The following CLEC5A variants were observed in gnomAD, a reference collection of about 807,000 sequenced individuals.
CLEC5A encodes C-type lectin domain containing 5A, also known as C-type lectin domain family 5 member A.
In CLEC5A, 15 loss-of-function variants were observed where a neutral mutation model predicts 24.4. The observed-to-expected ratio is 0.62, with a 90% CI of 0.41 to 0.95. The LOEUF (loss-of-function observed/expected upper bound fraction) is 0.95, where lower values mean the gene tolerates loss of function less well. Among genes scored for constraint, CLEC5A ranks in the 40% least tolerant of loss-of-function variants. CLEC5A has a pLI of 0.00. For synonymous variants in CLEC5A, 71 were observed against 72.6 expected (o/e 0.98, Z 0.11); for missense variants, 211 against 224.0 (o/e 0.94, Z 0.37).
chr7:141,933,417 G>C (rs1802521346), intron 5 of CLEC5A, among the ~76,000 whole-genome samples: 1 of 151,734 alleles, frequency 6.6e-6, no homozygotes, highest in African/African-American at 2.4e-5. Context: ...TAGTGCAGAG[G>C]TGGCAGGGAG....
In CLEC5A at chr7:141,946,390, C is replaced by T. The variant is rs1475074974; in HGVS notation, c.-20-78G>A. The T allele has an allele frequency of 7.6e-6, 10 of 1,310,386 alleles. No individual in the cohort carries two copies. In the African/African-American group the frequency reaches 1.2e-4, roughly 15 times the overall value. 81.2% of individuals were successfully genotyped at this position (1,310,386 alleles called of 1,614,324 possible). On this transcript the variant is annotated intron_variant, in intron 1 of 6. Coordinates refer to ENST00000546910, the MANE Select transcript of CLEC5A (RefSeq NM_013252.3). ...CACTAGGACATATCCCAGCCTCTCG[C>T]TCAGAGTACCCAAAGCAAGGCAGGC...
At chr7:141,942,634 A>G (rs1422299329) in intron 4 of CLEC5A, among the ~76,000 whole-genome samples, 3 of 152,156 alleles carry the variant, frequency 2.0e-5, no homozygotes, top group Non-Finnish European at 4.4e-5. Context: ...CAAAGTGAAG[A>G]GACAATCCAC....
chr7:141,942,606 A>C (rs1554441734), intron 4 of CLEC5A, among the ~76,000 whole-genome samples: 1 of 152,162 alleles, frequency 6.6e-6, no homozygotes, highest in African/African-American at 2.4e-5. Context: ...GCTTCTGCCC[A>C]GCAAAGGAAA....
chr7:141,941,806 TAA>T (rs1802802538), intron 4 of CLEC5A, among the ~76,000 whole-genome samples: 1 of 151,976 alleles, frequency 6.6e-6, no homozygotes, highest in Admixed American at 6.6e-5. Context: ...GAAAAGAAAT[TAA>T]GAGACTAATC....
intron 4 of CLEC5A, among the ~76,000 whole-genome samples, chr7:141,941,637 T>G (rs1802799302): frequency 6.6e-6 from 1 of 152,094 alleles, no homozygotes; most frequent in African/African-American, 2.4e-5. Flanking sequence ...TGAAGTCAAT[T>G]TATCCTTGTT....
intron 5 of CLEC5A, among the ~76,000 whole-genome samples, chr7:141,934,978 C>A (rs903327085): frequency 6.6e-6 from 1 of 152,104 alleles, no homozygotes; most frequent in African/African-American, 2.4e-5. Flanking sequence ...TCTTTTCATT[C>A]CCCTGTCTTG....
intron 5 of CLEC5A, among the ~76,000 whole-genome samples, chr7:141,933,937 C>G (rs2128960712): frequency 6.6e-6 from 1 of 152,228 alleles, no homozygotes; most frequent in Non-Finnish European, 1.5e-5. Context: ...GCAGCTGAGA[C>G]AGACAGACAG....
rs782357595 is a variant in CLEC5A at position 141,935,973 on chromosome 7, A to G, written c.209-23T>C. ...AGACTGAAGAGGTCCAAGAAAGGAGAGTACGAGTTTACTGGTTTGGGTTAT... is the reference window on the plus strand; with the variant it reads ...AGACTGAAGAGGTCCAAGAAAGGAGGGTACGAGTTTACTGGTTTGGGTTAT... On this transcript the variant is annotated intron_variant, in intron 4 of 6. Coordinates refer to ENST00000546910, the MANE Select transcript of CLEC5A (RefSeq NM_013252.3). 4.4e-6 allele frequency: 7 copies of G among 1,606,890 alleles called. No homozygotes were observed. In the Admixed American group the frequency reaches 6.7e-5, roughly 15 times the overall value.
At chr7:141,946,067 A>T (rs1554442105) in intron 2 of CLEC5A, 147 bp downstream of exon 2, 2 of 761,614 alleles carry the variant, frequency 2.6e-6, no homozygotes, top group East Asian at 5.4e-5. Context: ...TGAGAAAGGC[A>T]TTGCCAATTG....
Position 141,931,578 on chromosome 7 carries a change from A to C in CLEC5A, c.452+142T>G, listed in dbSNP as rs1269559820. 10 of 578,694 alleles carry C rather than the reference A, an allele frequency of 1.7e-5. No homozygotes were observed. In the East Asian group the frequency reaches 2.6e-4, roughly 15 times the overall value. The allele number at this position is 578,694 out of a possible 1,614,324, so 35.8% of individuals were successfully genotyped here. A position where few individuals can be genotyped will look rare whatever the true frequency, so the allele number is the denominator to read the frequency against. ...CATTTATTAAAATGTGTCTCAGGGA[A>C]TAGATGGGTTGGAAGAAAGGAGAAG... On this transcript the variant is annotated intron_variant, in intron 6 of 6. Transcript: ENST00000546910.
chr7:141,938,640 TA>T (rs1802698184), intron 4 of CLEC5A, among the ~76,000 whole-genome samples: 1 of 152,174 alleles, frequency 6.6e-6, no homozygotes, highest in South Asian at 2.1e-4. Context: ...AAGAAGGTTA[TA>T]GAACACCAAG....
chr7:141,937,016 G>T (rs1554441192), intron 4 of CLEC5A, among the ~76,000 whole-genome samples: 2 of 151,980 alleles, frequency 1.3e-5, no homozygotes, highest in African/African-American at 2.4e-5. Context: ...TCCCTTACCT[G>T]CTGATGAAAG....
intron 4 of CLEC5A, 180 bp from the exon 5 acceptor site, chr7:141,936,130 A>C: frequency 1.7e-6 from 1 of 604,884 alleles, no homozygotes; most frequent in Non-Finnish European, 2.9e-6. Flanking sequence ...CAATAATATA[A>C]GGAGAATAAG....
intron 6 of CLEC5A, chr7:141,931,448 A>G (rs1438593313): frequency 6.0e-6 from 3 of 499,178 alleles, no homozygotes; most frequent in African/African-American, 2.0e-5. Flanking sequence ...CATCAAATGA[A>G]TGCTATGTAG....
chr7:141,944,964 A>T (rs1328226286), intron 3 of CLEC5A, among the ~76,000 whole-genome samples: 6 of 152,166 alleles, frequency 3.9e-5, no homozygotes, highest in Non-Finnish European at 7.3e-5. Flanking sequence ...CAGTAGTAAT[A>T]GGTGTCTTAA....
At chr7:141,931,267 T>C (rs1802448921) in intron 6 of CLEC5A, among the ~76,000 whole-genome samples, 1 of 152,190 alleles carries the variant, frequency 6.6e-6, no homozygotes, top group Non-Finnish European at 1.5e-5. Flanking sequence ...ATAGATCTCA[T>C]CTCTATACCA....
At chr7:141,934,618 T>G (rs893208286) in intron 5 of CLEC5A, among the ~76,000 whole-genome samples, 2 of 115,866 alleles carry the variant, frequency 1.7e-5, no homozygotes, top group East Asian at 2.5e-4. Flanking sequence ...TTAACGTTTT[T>G]TTTTTTTTTT....
At position 141,930,011 on chromosome 7, in the gene CLEC5A, A is replaced by T; in HGVS notation, c.*93T>A. On this transcript the variant is annotated 3_prime_UTR_variant, in exon 7 of 7. Coordinates refer to ENST00000546910, the MANE Select transcript of CLEC5A (RefSeq NM_013252.3). ...CAAATGGGCAAGGACCGCTACTGGTAGACAGATAGGTAAGTAAAAGAATCA... is the reference window on the plus strand; with the variant it reads ...CAAATGGGCAAGGACCGCTACTGGTTGACAGATAGGTAAGTAAAAGAATCA... 1.0e-6 allele frequency: 1 copy of T among 954,382 alleles called. No individual in the cohort carries two copies. Among genetic ancestry groups the T allele is most frequent in the Non-Finnish European group, 1.6e-6 (1 of 622,996 alleles). 59.1% of individuals were successfully genotyped at this position (954,382 alleles called of 1,614,324 possible). A position where few individuals can be genotyped will look rare whatever the true frequency, so the allele number is the denominator to read the frequency against.
rs370318692 is a variant in CLEC5A at position 141,946,092 on chromosome 7, CAGTT to C, written c.79+118_79+121del. On this transcript the variant is annotated intron_variant, in intron 2 of 6. Transcript: ENST00000546910. Reference sequence around the variant, plus strand: ...ATTGCCAATTGACCTCAGGTTGGGTCAGTTAGTCTCAGGTGGAAAGACTTGGATA... The same window carrying C: ...ATTGCCAATTGACCTCAGGTTGGGTCAGTCTCAGGTGGAAAGACTTGGATA... 3.2e-4 allele frequency: 338 copies of C among 1,057,024 alleles called. 7 individuals carry two copies. In the South Asian group the frequency reaches 4.9e-3, roughly 15 times the overall value. 65.5% of individuals were successfully genotyped at this position (1,057,024 alleles called of 1,614,324 possible). A position where few individuals can be genotyped will look rare whatever the true frequency, so the allele number is the denominator to read the frequency against.
Sources: allele counts gnomAD v4.1 joint callset (sites outside exome capture counted in the v4.1 genomes callset), GRCh38; gene constraint gnomAD v4.1.1; transcripts MANE v1.5; gene names NCBI Gene and HGNC (gene_info 2026-07-23, HGNC 2026-07-21).